STPG4: variants seen among roughly 807,000 people sequenced by gnomAD.
STPG4 encodes sperm-tail PG-rich repeat containing 4, also known as protein STPG4.
STPG4 carries 41 observed loss-of-function variants against 31.5 expected under a neutral mutation model. The ratio of observed to expected loss-of-function variants is 1.30; its 90% CI spans 1.01 to 1.69. The LOEUF (loss-of-function observed/expected upper bound fraction) is 1.69. Among genes scored for constraint, STPG4 ranks in the 40% most tolerant of loss-of-function variants. The pLI, the probability that STPG4 is intolerant of heterozygous loss-of-function variation, is 0.00. For missense variants in STPG4, 375 were observed against 293.4 expected, an observed-to-expected ratio of 1.28 and a Z score of -2.03; for synonymous variants, 141 against 103.0, an observed-to-expected ratio of 1.37 and a Z score of -2.24.
At chr2:47,103,152 G>A (rs989142424) in intron 5 of STPG4, among the ~76,000 whole-genome samples, 30 of 151,832 alleles carry the variant, frequency 2.0e-4, no homozygotes, top group Admixed American at 1.8e-3. Context: ...GACTGGAGTC[G>A]TAAACATCTG....
At chr2:47,145,796 G>A (rs1315367172) in intron 3 of STPG4, among the ~76,000 whole-genome samples, 1 of 152,284 alleles carries the variant, frequency 6.6e-6, no homozygotes, top group East Asian at 1.9e-4. Flanking sequence ...ATTCATGGGA[G>A]AAGGCACATT....
intron 5 of STPG4, among the ~76,000 whole-genome samples, chr2:47,127,006 T>A (rs998352550): frequency 1.3e-5 from 2 of 152,120 alleles, no homozygotes; most frequent in Middle Eastern, 3.2e-3. Flanking sequence ...TTGGGTTAAA[T>A]ATGCTTAGTG....
chr2:47,093,182 T>C (rs12467468), intron 5 of STPG4, among the ~76,000 whole-genome samples: 60,193 of 152,126 alleles, frequency 0.4, 13,065 homozygotes, highest in Middle Eastern at 0.54. Context: ...TACTCCACCA[T>C]GAATGGAGTC....
At chr2:47,127,744 A>C (rs1489276079) in intron 5 of STPG4, among the ~76,000 whole-genome samples, 1 of 152,130 alleles carries the variant, frequency 6.6e-6, no homozygotes, top group Non-Finnish European at 1.5e-5. Context: ...TCTCTGTGTC[A>C]TCTTAAATTT....
intron 5 of STPG4, among the ~76,000 whole-genome samples, chr2:47,109,227 A>C (rs969118491): frequency 6.6e-6 from 1 of 152,216 alleles, no homozygotes; most frequent in Admixed American, 6.5e-5. Context: ...ATTTTTTAAG[A>C]AGAAAAATTG....
chr2:47,124,802 G>A (rs762609897), intron 5 of STPG4, among the ~76,000 whole-genome samples: 35 of 152,114 alleles, frequency 2.3e-4, no homozygotes, highest in Non-Finnish European at 4.6e-4. Flanking sequence ...GAGATTGCTG[G>A]ATCATATGGT....
chr2:47,092,999 G>A (rs1685602108), intron 5 of STPG4, among the ~76,000 whole-genome samples: 1 of 152,122 alleles, frequency 6.6e-6, no homozygotes, highest in Non-Finnish European at 1.5e-5. Context: ...CACCATATTG[G>A]CCAGGCTGGT....
intron 3 of STPG4, among the ~76,000 whole-genome samples, chr2:47,137,122 G>GT (rs1380473031): frequency 6.6e-6 from 1 of 152,088 alleles, no homozygotes; most frequent in Non-Finnish European, 1.5e-5. Flanking sequence ...CTAGCTGTAG[G>GT]TTTTTTGTAG....
intron 6 of STPG4, 36 bp downstream of exon 6, chr2:47,090,233 TA>T: frequency 7.7e-6 from 11 of 1,423,502 alleles, no homozygotes; most frequent in Non-Finnish European, 1.1e-5. Flanking sequence ...ACCATACCCC[TA>T]GGGGTGGGGG....
intron 5 of STPG4, chr2:47,129,719 T>C (rs1686434807): frequency 3.9e-6 from 2 of 507,392 alleles, no homozygotes; most frequent in Admixed American, 3.9e-5. Context: ...TCAGTGCCTC[T>C]TTCCTTGATA....
intron 3 of STPG4, among the ~76,000 whole-genome samples, chr2:47,150,189 C>T (rs1686907268): frequency 1.3e-5 from 2 of 152,220 alleles, no homozygotes; most frequent in South Asian, 2.1e-4. Flanking sequence ...TTAAGAGCCA[C>T]ATAAAAGACA....
chr2:47,133,578 T>TTTTTG (rs1686533565), intron 3 of STPG4, among the ~76,000 whole-genome samples: 1 of 125,860 alleles, frequency 7.9e-6, no homozygotes, highest in Non-Finnish European at 1.7e-5. Context: ...ATCTTTTTTT[T>TTTTTG]TTTTTTTTTT....
At chr2:47,103,397 C>A (rs1260466133) in intron 5 of STPG4, among the ~76,000 whole-genome samples, 1 of 151,868 alleles carries the variant, frequency 6.6e-6, no homozygotes, top group African/African-American at 2.4e-5. Flanking sequence ...GCTCCAAAAG[C>A]AAGCCCTGGG....
intron 3 of STPG4, among the ~76,000 whole-genome samples, chr2:47,132,703 T>C (rs1686510789): frequency 6.6e-6 from 1 of 152,252 alleles, no homozygotes; most frequent in Non-Finnish European, 1.5e-5. Context: ...TTCCTGATTC[T>C]GATGACAATT....
chr2:47,149,693 T>G (rs745715248), intron 3 of STPG4, among the ~76,000 whole-genome samples: 59 of 152,224 alleles, frequency 3.9e-4, no homozygotes, highest in Non-Finnish European at 7.3e-4. Context: ...TACATTTCTC[T>G]CAGGTTATCA....
At chr2:47,142,983 G>A (rs1010310879) in intron 3 of STPG4, among the ~76,000 whole-genome samples, 6 of 151,508 alleles carry the variant, frequency 4.0e-5, no homozygotes, top group Non-Finnish European at 7.4e-5. Flanking sequence ...GATTACAGGC[G>A]CCTGCCACCA....
chr2:47,125,156 C>T (rs1023148112), intron 5 of STPG4, among the ~76,000 whole-genome samples: 2 of 152,278 alleles, frequency 1.3e-5, no homozygotes, highest in East Asian at 3.8e-4. Context: ...CATGGTGGCT[C>T]ATGCCTGTAA....
rs1685812641 is a variant in STPG4 at position 47,102,057 on chromosome 2, CTTCTTTGG to C, written c.520-11691_520-11684del. ...GTAGGTAAGGACCACTAAATCCAACCTTCTTTGGTCCTCCATGTGGTCTGGGAGGAAAA... is the reference window on the plus strand; with the variant it reads ...GTAGGTAAGGACCACTAAATCCAACCTCCTCCATGTGGTCTGGGAGGAAAA... On this transcript the variant is annotated intron_variant, in intron 5 of 6. Transcript: ENST00000445927. Among the ~76,000 whole-genome samples the C allele has an allele frequency of 1.3e-5, 2 of 151,972 alleles. 1 individual carries two copies. The highest frequency in any genetic ancestry group is 4.2e-4 in the South Asian group (2 of 4,786).
intron 1 of STPG4, 41 bp from the exon 2 acceptor site, chr2:47,153,057 G>A: frequency 6.8e-7 from 1 of 1,471,036 alleles, no homozygotes. Flanking sequence ...TTTGAGAGGT[G>A]ATCCCTTGAA....
Sources: gnomAD v4.1 joint callset for allele counts (sites outside exome capture counted in the v4.1 genomes callset) on GRCh38, gnomAD v4.1.1 for gene constraint, MANE v1.5 for transcripts, NCBI Gene and HGNC (gene_info 2026-07-23, HGNC 2026-07-21) for gene names.